Variants in DNAH3 observed in about 807,000 individuals in gnomAD.
DNAH3 encodes dynein axonemal heavy chain 3, also known as axonemal beta dynein heavy chain 3.
In DNAH3, 332 loss-of-function variants were observed where a neutral mutation model predicts 432.5. The observed-to-expected ratio is 0.77, with a 90% CI of 0.70 to 0.84. The LOEUF (loss-of-function observed/expected upper bound fraction) is 0.84, where lower values mean the gene tolerates loss of function less well. Among genes scored for constraint, DNAH3 ranks in the 40% least tolerant of loss-of-function variants. The pLI is 0.00. For synonymous variants in DNAH3, 1,956 were observed against 1,900.2 expected (o/e 1.03, Z -0.76); for missense variants, 4,861 against 5,114.0 (o/e 0.95, Z 1.51).
chr16:21,100,213 A>G (rs903086622), intron 16 of DNAH3, among the ~76,000 whole-genome samples: 3 of 152,148 alleles, frequency 2.0e-5, no homozygotes, highest in African/African-American at 7.2e-5. Context: ...CTGAGATTAT[A>G]GGTGCCCGCC....
At chr16:21,088,264 C>T (rs894471739) in intron 18 of DNAH3, among the ~76,000 whole-genome samples, 2 of 152,126 alleles carry the variant, frequency 1.3e-5, no homozygotes, top group Admixed American at 6.5e-5. Flanking sequence ...AATAGAAAGG[C>T]ACCTACGCAA....
chr16:20,975,139 C>G, intron 51 of DNAH3, 94 bp downstream of exon 51: 1 of 1,471,008 alleles, frequency 6.8e-7, no homozygotes, highest in African/African-American at 1.4e-5. Context: ...CCTTGCCTAC[C>G]CTTTCTGAGC....
rs1339868096 is a variant in DNAH3, at chr16:21,121,943, A to G, written c.1584+2T>C. ...AAATGAATGATTAAGTGACTACTAT[A>G]CCTTGGGGATCCCATTAGAGTTCTT... is the stretch of plus-strand genomic sequence containing the variant. On this transcript the variant is annotated splice_donor_variant, in intron 10 of 61. Coordinates refer to ENST00000261383, the Ensembl canonical transcript of DNAH3. LOFTEE classifies it high-confidence loss of function. 2.5e-6 allele frequency: 4 copies of G among 1,607,516 alleles called. No individual in the cohort carries two copies. In the East Asian group the frequency reaches 8.9e-5, roughly 36 times the overall value.
exon 50 of DNAH3, chr16:20,979,418 G>T: frequency 6.2e-7 from 1 of 1,614,142 alleles, no homozygotes; most frequent in South Asian, 1.1e-5. Flanking sequence ...ATTCAGGAGC[G>T]TCTTGAAGGT....
intron 31 of DNAH3, among the ~76,000 whole-genome samples, chr16:21,048,543 G>A (rs954238344): frequency 7.9e-5 from 12 of 152,150 alleles, no homozygotes; most frequent in African/African-American, 1.4e-4. Flanking sequence ...GCTGGCGCAC[G>A]GTGCACGCAC....
intron 5 of DNAH3, among the ~76,000 whole-genome samples, chr16:21,139,551 A>C (rs938401467): frequency 2.6e-5 from 4 of 151,562 alleles, no homozygotes; most frequent in Non-Finnish European, 5.9e-5. Flanking sequence ...ATCATAGCTC[A>C]CTGCAGCCTC....
At chr16:21,074,629 G>A (rs189242262) in intron 21 of DNAH3, among the ~76,000 whole-genome samples, 9 of 152,170 alleles carry the variant, frequency 5.9e-5, no homozygotes, top group Non-Finnish European at 8.8e-5. Flanking sequence ...TATGAGAATC[G>A]CTTGAGCCTG....
exon 36 of DNAH3, chr16:21,033,976 G>C: frequency 6.2e-7 from 1 of 1,612,354 alleles, no homozygotes; most frequent in Non-Finnish European, 8.5e-7. Context: ...AGCTTTACCT[G>C]CGTGTAAATC....
At chr16:21,022,748 A>AT (rs111992683) in intron 39 of DNAH3, among the ~76,000 whole-genome samples, 13,552 of 143,692 alleles carry the variant, frequency 0.094, 803 homozygotes, top group South Asian at 0.2. Flanking sequence ...TACTTACTAA[A>AT]TTTTTTTTTT....
chr16:21,148,534 C>G (rs114991845), intron 1 of DNAH3, among the ~76,000 whole-genome samples: 4 of 151,898 alleles, frequency 2.6e-5, no homozygotes, highest in African/African-American at 4.8e-5. Flanking sequence ...ACCTCCACCC[C>G]CTAGGTTCGA....
At chr16:21,029,833 C>T (rs1567665342) in intron 37 of DNAH3, among the ~76,000 whole-genome samples, 1 of 151,380 alleles carries the variant, frequency 6.6e-6, no homozygotes. Context: ...TATGCCCCCA[C>T]TTTTTTTTTG....
chr16:21,096,021 T>C (rs2091667098), intron 18 of DNAH3, among the ~76,000 whole-genome samples: 1 of 152,178 alleles, frequency 6.6e-6, no homozygotes, highest in Non-Finnish European at 1.5e-5. Context: ...CCTTCTACCT[T>C]GGCCTCCCAA....
At chr16:20,982,034 T>C (rs1430788504) in intron 49 of DNAH3, among the ~76,000 whole-genome samples, 1 of 148,388 alleles carries the variant, frequency 6.7e-6, no homozygotes, top group East Asian at 1.9e-4. Context: ...ATATATATAA[T>C]AAAGCACATA....
At chr16:20,964,252 G>T (rs545853424) in exon 53 of DNAH3, 2 of 1,613,946 alleles carry the variant, frequency 1.2e-6, no homozygotes, top group Non-Finnish European at 1.7e-6. Context: ...CTTCTCCTTC[G>T]CAGCCACGAT....
Position 20,985,389 on chromosome 16 carries a change from G to A in DNAH3, c.7353C>T (p.Asn2451=), listed in dbSNP as rs145453820. 337 of 1,614,038 alleles carry A rather than the reference G, an allele frequency of 2.1e-4. No homozygotes were observed. In the East Asian group the frequency reaches 6.6e-3, roughly 32 times the overall value. The change falls in exon 48 of 62, where the codon AAC becomes AAT. Residue 2451 remains asparagine, a synonymous_variant. Coordinates refer to ENST00000261383, the Ensembl canonical transcript of DNAH3. ...TCTCAATCTGGTATAGCTCGTATGC[G>A]TTCATGAATGTGGACAGTTTGGCGG...
chr16:20,983,842 C>T (rs1400257477), intron 48 of DNAH3, among the ~76,000 whole-genome samples: 2 of 151,826 alleles, frequency 1.3e-5, no homozygotes, highest in African/African-American at 2.4e-5. Flanking sequence ...GTGAACCCCA[C>T]ATCCCCGTCC....
chr16:21,152,315 A>G (rs2092861342), intron 1 of DNAH3, among the ~76,000 whole-genome samples: 2 of 152,360 alleles, frequency 1.3e-5, no homozygotes, highest in South Asian at 2.1e-4. Flanking sequence ...CACTGATACA[A>G]TTGGAACCTG....
intron 52 of DNAH3, among the ~76,000 whole-genome samples, chr16:20,969,116 GTGTGTT>G (rs1009784533): frequency 1.4e-5 from 2 of 138,814 alleles, no homozygotes; most frequent in African/African-American, 5.5e-5. Flanking sequence ...GTGTGTGTGT[GTGTGTT>G]TCCCTGTCTC....
rs1314837714 is a variant in DNAH3, at chr16:21,081,531, A to G, written c.2969+105T>C. 1.9e-5 allele frequency: 17 copies of G among 877,134 alleles called. No homozygotes were observed. The Admixed American group carries it at 3.8e-4, about 20-fold the overall frequency. 54.3% of individuals were successfully genotyped at this position (877,134 alleles called of 1,614,324 possible). On this transcript the variant is annotated intron_variant, in intron 20 of 61. Transcript: ENST00000261383. ...ATAGCCTTAAGCCACCCTACGCCAC[A>G]AGGAAAAAAAAACAAACAGCCCGAT...
Sources: allele counts gnomAD v4.1 joint callset (sites outside exome capture counted in the v4.1 genomes callset), GRCh38; gene constraint gnomAD v4.1.1; transcripts MANE v1.5; gene names NCBI Gene and HGNC (gene_info 2026-07-23, HGNC 2026-07-21).